Variants in GATAD2A observed in about 807,000 individuals in gnomAD.
GATAD2A encodes transcriptional repressor p66-alpha.
GATAD2A carries 12 observed loss-of-function variants against 68.5 expected under a neutral mutation model. The ratio of observed to expected loss-of-function variants is 0.18; its 90% CI spans 0.11 to 0.28. GATAD2A has a LOEUF of 0.28. GATAD2A is among the 10% of genes least tolerant of loss of function. The probability of loss-of-function intolerance (pLI) is 1.00; values close to 1 mark genes in which losing one functional copy is unlikely to be tolerated. For synonymous variants in GATAD2A, 410 were observed against 375.3 expected, an observed-to-expected ratio of 1.09 and a Z score of -1.07; for missense variants, 755 against 868.5, an observed-to-expected ratio of 0.87 and a Z score of 1.64.
At chr19:19,438,810 T>G (rs566962687) in intron 1 of GATAD2A, among the ~76,000 whole-genome samples, 1 of 152,304 alleles carries the variant, frequency 6.6e-6, no homozygotes, top group South Asian at 2.1e-4. Flanking sequence ...ACATGATACT[T>G]AGTGGTCAAA....
chr19:19,482,620 A>C (rs143154101), intron 2 of GATAD2A, among the ~76,000 whole-genome samples: 1 of 152,088 alleles, frequency 6.6e-6, no homozygotes, highest in Non-Finnish European at 1.5e-5. Context: ...TGTTCCCTGT[A>C]CTGGGAACTG....
chr19:19,450,743 TAAAAAAA>T (rs3031870), intron 1 of GATAD2A, among the ~76,000 whole-genome samples: 1 of 125,130 alleles, frequency 8.0e-6, no homozygotes, highest in Non-Finnish European at 1.7e-5. Context: ...CTCATTACAT[TAAAAAAA>T]AAAAAAAAAA....
chr19:19,483,371 A>G (rs1489297936), intron 2 of GATAD2A, among the ~76,000 whole-genome samples: 1 of 152,168 alleles, frequency 6.6e-6, no homozygotes, highest in African/African-American at 2.4e-5. Flanking sequence ...GCTCACCTCC[A>G]CGGCCTCTGA....
Position 19,412,090 on chromosome 19 carries a change from T to C in GATAD2A, c.-7+6071T>C, listed in dbSNP as rs528275664. Among the ~76,000 whole-genome samples, 990 of 149,104 alleles carry C rather than the reference T, an allele frequency of 6.6e-3. 9 individuals are homozygous for C. Among genetic ancestry groups the C allele is most frequent in the African/African-American group, 0.021 (858 of 40,638 alleles). On this transcript the variant is annotated intron_variant, in intron 1 of 11. Transcript: ENST00000683918. ...CCCATCTCTCTCTCTCTCTCTCTCTTTTTTTTTTGGTGGGCTGTCTCAGGC... is the reference window on the plus strand; with the variant it reads ...CCCATCTCTCTCTCTCTCTCTCTCTCTTTTTTTTGGTGGGCTGTCTCAGGC...
At chr19:19,402,446 T>C (rs935007456), upstream of GATAD2A, 3 of 149,634 alleles carry the variant, frequency 2.0e-5, no homozygotes, top group African/African-American at 7.3e-5. Flanking sequence ...CCCAGCACTT[T>C]GGGAGGCCGA....
chr19:19,455,751 A>G (rs1005858535), intron 1 of GATAD2A, among the ~76,000 whole-genome samples: 24 of 152,310 alleles, frequency 1.6e-4, no homozygotes, highest in African/African-American at 5.3e-4. Flanking sequence ...TAATCCTCCA[A>G]GGGTCTGGAG....
chr19:19,418,309 C>G (rs544188080), intron 1 of GATAD2A, among the ~76,000 whole-genome samples: 24 of 152,290 alleles, frequency 1.6e-4, no homozygotes, highest in African/African-American at 5.8e-4. Context: ...GAATTTGATC[C>G]GTCCTCGTGT....
At chr19:19,493,885 G>C (rs2059973432) in intron 4 of GATAD2A, among the ~76,000 whole-genome samples, 1 of 152,072 alleles carries the variant, frequency 6.6e-6, no homozygotes, top group Admixed American at 6.5e-5. Flanking sequence ...ACTGGAACAT[G>C]CAGCTTTAAA....
intron 2 of GATAD2A, among the ~76,000 whole-genome samples, chr19:19,486,594 C>T (rs1012680452): frequency 1.3e-5 from 2 of 152,208 alleles, no homozygotes; most frequent in African/African-American, 2.4e-5. Context: ...TTTCCTTCTC[C>T]GAGGTGGGAA....
intron 1 of GATAD2A, among the ~76,000 whole-genome samples, chr19:19,414,434 TA>T (rs1010276570): frequency 2.7e-4 from 41 of 152,278 alleles, no homozygotes; most frequent in Non-Finnish European, 1.3e-4. Flanking sequence ...CTGTTGTTCT[TA>T]CTGATGTCTT....
chr19:19,399,642 G>T (rs556444760), intron 1 of GATAD2A, among the ~76,000 whole-genome samples: 1 of 152,236 alleles, frequency 6.6e-6, no homozygotes, highest in Non-Finnish European at 1.5e-5. Context: ...ACCTGATTAC[G>T]TGGGCATGTG....
chr19:19,400,807 A>T (rs935818836), upstream of GATAD2A, among the ~76,000 whole-genome samples: 3 of 152,108 alleles, frequency 2.0e-5, no homozygotes, highest in African/African-American at 7.2e-5. Context: ...ATTGTCCCTA[A>T]ACTTAATGAA....
intron 1 of GATAD2A, among the ~76,000 whole-genome samples, chr19:19,436,697 G>T (rs2054394432): frequency 6.6e-6 from 1 of 152,272 alleles, no homozygotes; most frequent in African/African-American, 2.4e-5. Flanking sequence ...CTCTTAGGCA[G>T]AGACTGTCAA....
rs986494336 is a variant in GATAD2A, at chr19:19,492,451, T to C, written c.402+13T>C. ...CGAGGCCCTCATGGTGAGCCACGTG[T>C]TGGCGCTGCCGCCGGAGCCCCACTG... On this transcript the variant is annotated intron_variant, in intron 3 of 11. Coordinates refer to ENST00000683918, the MANE Select transcript of GATAD2A (RefSeq NM_001384528.1). 5.0e-6 allele frequency: 8 copies of C among 1,613,738 alleles called. No homozygotes were observed. In the Admixed American group the frequency reaches 8.3e-5, roughly 17 times the overall value.
intron 1 of GATAD2A, among the ~76,000 whole-genome samples, chr19:19,431,831 C>A (rs925636187): frequency 6.6e-6 from 1 of 151,932 alleles, no homozygotes; most frequent in Non-Finnish European, 1.5e-5. Context: ...GAAAGTTCAT[C>A]GGCAACACAG....
In GATAD2A at chr19:19,471,595, G is replaced by T. The variant is rs150938498; in HGVS notation, c.269+5981G>T. 2.0e-5 allele frequency among the ~76,000 whole-genome samples: 3 copies of T among 152,200 alleles called. No homozygotes were observed. In the South Asian group the frequency reaches 6.2e-4, roughly 32 times the overall value. ...GGAAATATTTTAAAATTGTATCGTG[G>T]TGATGATTGCACAAATTTACTGAAA... On this transcript the variant is annotated intron_variant, in intron 2 of 11. Coordinates refer to ENST00000683918, the MANE Select transcript of GATAD2A (RefSeq NM_001384528.1).
At chr19:19,451,854 C>G (rs2056419923) in intron 1 of GATAD2A, among the ~76,000 whole-genome samples, 1 of 152,102 alleles carries the variant, frequency 6.6e-6, no homozygotes, top group Non-Finnish European at 1.5e-5. Flanking sequence ...TTTTTTTCTT[C>G]TTACTTTTAG....
chr19:19,389,778 T>A (rs2048709828), intron 1 of GATAD2A, among the ~76,000 whole-genome samples: 1 of 152,186 alleles, frequency 6.6e-6, no homozygotes, highest in Non-Finnish European at 1.5e-5. Context: ...ATTTTATTTT[T>A]TTGAGACAGG....
intron 11 of GATAD2A, 145 bp from the exon 12 acceptor site, chr19:19,505,199 A>C: frequency 1.5e-6 from 1 of 680,826 alleles, no homozygotes; most frequent in Admixed American, 2.7e-5. Context: ...TGAAACGTTG[A>C]TTGAGGAGTA....
Sources: allele counts gnomAD v4.1 joint callset (sites outside exome capture counted in the v4.1 genomes callset), GRCh38; gene constraint gnomAD v4.1.1; transcripts MANE v1.5; gene names NCBI Gene and HGNC (gene_info 2026-07-23, HGNC 2026-07-21).